EYA2: variants seen among roughly 807,000 people sequenced by gnomAD.
The protein encoded by EYA2 is EYA transcriptional coactivator and phosphatase 2.
In EYA2, 31 loss-of-function variants were observed where a neutral mutation model predicts 69.2. The observed-to-expected ratio is 0.45, with a 90% CI of 0.34 to 0.60. The LOEUF (loss-of-function observed/expected upper bound fraction) is 0.60, where lower values mean the gene tolerates loss of function less well. Among genes scored for constraint, EYA2 ranks in the 20% least tolerant of loss-of-function variants. The pLI, the probability that EYA2 is intolerant of heterozygous loss-of-function variation, is 0.02. For missense variants in EYA2, 622 were observed against 701.2 expected (o/e 0.89, Z 1.28); for synonymous variants, 257 against 279.4 (o/e 0.92, Z 0.80).
At chr20:47,178,929 C>A (rs532616429) in intron 12 of EYA2, among the ~76,000 whole-genome samples, 39 of 151,422 alleles carry the variant, frequency 2.6e-4, no homozygotes, top group Non-Finnish European at 5.2e-4. Context: ...GCAAGTCAGT[C>A]AACATCACAA....
intron 10 of EYA2, among the ~76,000 whole-genome samples, chr20:47,148,023 T>TCTGC (rs1339173653): frequency 7.0e-6 from 1 of 143,550 alleles, no homozygotes; most frequent in Admixed American, 7.1e-5. Context: ...CGCCCCACTG[T>TCTGC]ACTCCAGCCT....
chr20:47,033,517 G>T (rs1984535271), intron 5 of EYA2, among the ~76,000 whole-genome samples: 2 of 152,192 alleles, frequency 1.3e-5, no homozygotes, highest in African/African-American at 4.8e-5. Context: ...ATCCATCCCG[G>T]GGCCTGGGTG....
At chr20:47,120,142 A>C (rs962630856) in intron 9 of EYA2, among the ~76,000 whole-genome samples, 11 of 152,168 alleles carry the variant, frequency 7.2e-5, no homozygotes, top group Non-Finnish European at 1.2e-4. Flanking sequence ...CAGGAGGCAG[A>C]GGTTGCAGTG....
chr20:47,104,070 T>G (rs751773481), intron 9 of EYA2, among the ~76,000 whole-genome samples: 10 of 152,206 alleles, frequency 6.6e-5, no homozygotes, highest in Non-Finnish European at 1.3e-4. Flanking sequence ...CCATGTAAAA[T>G]GGCTCCAATT....
At chr20:46,958,467 A>G (rs1341384683) in intron 1 of EYA2, among the ~76,000 whole-genome samples, 1 of 152,088 alleles carries the variant, frequency 6.6e-6, no homozygotes, top group African/African-American at 2.4e-5. Context: ...AAACATGAAC[A>G]TGTTATATAG....
chr20:46,971,498 A>G (rs1351468412), intron 1 of EYA2, among the ~76,000 whole-genome samples: 2 of 152,250 alleles, frequency 1.3e-5, no homozygotes, highest in Non-Finnish European at 2.9e-5. Flanking sequence ...GACTGCGCTT[A>G]GTCACATGAC....
rs573346959 is a variant in EYA2 at position 46,938,519 on chromosome 20, A to G, written c.-11+43532A>G. ...AAGTGTGAGCTGGGGCTGCCTTCAC[A>G]TCAGGCATGGTGGAGCTCATGCATG... On this transcript the variant is annotated intron_variant, in intron 1 of 15. Coordinates refer to ENST00000327619, the MANE Select transcript of EYA2 (RefSeq NM_005244.5). Among the ~76,000 whole-genome samples, 425 of 152,176 alleles carry G rather than the reference A, an allele frequency of 2.8e-3. 2 individuals carry two copies. The highest frequency in any genetic ancestry group is 5.2e-3 in the Non-Finnish European group (352 of 67,956).
At chr20:47,141,406 G>A (rs1467370580) in intron 9 of EYA2, among the ~76,000 whole-genome samples, 1 of 152,162 alleles carries the variant, frequency 6.6e-6, no homozygotes, top group African/African-American at 2.4e-5. Context: ...CAGCAATTCT[G>A]ATTTTATTGG....
At chr20:46,974,535 G>A (rs1980336748) in intron 1 of EYA2, among the ~76,000 whole-genome samples, 1 of 152,098 alleles carries the variant, frequency 6.6e-6, no homozygotes, top group Non-Finnish European at 1.5e-5. Flanking sequence ...GCAACCTGAG[G>A]ATTCTCTTTC....
chr20:47,069,133 A>G (rs1363177437), intron 5 of EYA2, among the ~76,000 whole-genome samples: 2 of 152,216 alleles, frequency 1.3e-5, no homozygotes, highest in African/African-American at 4.8e-5. Context: ...CTGACATGCA[A>G]AGTAACTAAA....
intron 9 of EYA2, among the ~76,000 whole-genome samples, chr20:47,135,913 C>G (rs935973096): frequency 2.0e-5 from 3 of 149,156 alleles, no homozygotes; most frequent in Non-Finnish European, 4.4e-5. Flanking sequence ...ATAATCCTAG[C>G]TACTCAGGAG....
At chr20:47,054,881 TTATTG>T (rs2030528428) in intron 5 of EYA2, among the ~76,000 whole-genome samples, 1 of 152,180 alleles carries the variant, frequency 6.6e-6, no homozygotes, top group South Asian at 2.1e-4. Context: ...TTACAGGAAT[TTATTG>T]TAAACTGCAG....
At chr20:47,134,816 A>G (rs114740444) in intron 9 of EYA2, among the ~76,000 whole-genome samples, 2,212 of 152,268 alleles carry the variant, frequency 0.015, 55 homozygotes, top group African/African-American at 0.05. Context: ...CTAGGTTCCA[A>G]CAAAACTTTA....
intron 9 of EYA2, chr20:47,117,508 C>T: frequency 1.0e-6 from 1 of 985,428 alleles, no homozygotes; most frequent in Non-Finnish European, 1.2e-6. Context: ...CCCGATTCCT[C>T]CGCGGGTGTT....
chr20:47,188,442 G>T lies in EYA2; in HGVS notation c.*309G>T. The T allele has an allele frequency of 1.8e-6, 1 of 560,446 alleles. No individual in the cohort carries two copies. The highest frequency in any genetic ancestry group is 2.8e-5 in the East Asian group (1 of 35,920). 34.7% of individuals were successfully genotyped at this position (560,446 alleles called of 1,614,324 possible). A position where few individuals can be genotyped will look rare whatever the true frequency, so the allele number is the denominator to read the frequency against. On this transcript the variant is annotated 3_prime_UTR_variant, in exon 16 of 16. Transcript: ENST00000327619. ...GCTGATTTGGGGGGTGCCTGGTGATGAGGAGGGGATGGGTTTGTCTTGTCT... is the reference window on the plus strand; with the variant it reads ...GCTGATTTGGGGGGTGCCTGGTGATTAGGAGGGGATGGGTTTGTCTTGTCT...
intron 10 of EYA2, among the ~76,000 whole-genome samples, chr20:47,145,759 G>C (rs936346060): frequency 2.2e-4 from 33 of 152,064 alleles, no homozygotes; most frequent in Non-Finnish European, 4.6e-4. Flanking sequence ...ATATTAGCCA[G>C]GTGTGGTGGC....
At chr20:47,162,394 T>C (rs981433212) in intron 10 of EYA2, among the ~76,000 whole-genome samples, 3 of 152,166 alleles carry the variant, frequency 2.0e-5, no homozygotes, top group African/African-American at 4.8e-5. Context: ...AAGCTTTTAA[T>C]AAATACTAGT....
chr20:47,151,366 A>T (rs1362124114), intron 10 of EYA2, among the ~76,000 whole-genome samples: 1 of 150,992 alleles, frequency 6.6e-6, no homozygotes, highest in Non-Finnish European at 1.5e-5. Context: ...GCGAGACTCC[A>T]TCTCAAAAAA....
At chr20:47,031,123 G>A (rs1475537890) in intron 5 of EYA2, among the ~76,000 whole-genome samples, 3 of 152,194 alleles carry the variant, frequency 2.0e-5, no homozygotes, top group African/African-American at 7.2e-5. Flanking sequence ...TGTGATGAGT[G>A]CTCCAAGGAG....
Sources: gnomAD v4.1 joint callset for allele counts (sites outside exome capture counted in the v4.1 genomes callset) on GRCh38, gnomAD v4.1.1 for gene constraint, MANE v1.5 for transcripts, NCBI Gene and HGNC (gene_info 2026-07-23, HGNC 2026-07-21) for gene names.